PLSCR2: variants seen among roughly 807,000 people sequenced by gnomAD.
PLSCR2 encodes phospholipid scramblase 2.
In PLSCR2, 18 loss-of-function variants were observed where a neutral mutation model predicts 25.3. The observed-to-expected ratio is 0.71, with a 90% confidence interval of 0.49 to 1.06. The LOEUF (loss-of-function observed/expected upper bound fraction) is 1.06. PLSCR2 is among the 50% of genes least tolerant of loss of function. PLSCR2 has a pLI of 0.00. For missense variants in PLSCR2, 243 were observed against 269.5 expected, an observed-to-expected ratio of 0.90 and a Z score of 0.69; for synonymous variants, 88 against 87.3, an observed-to-expected ratio of 1.01 and a Z score of -0.04.
At chr3:146,495,734 A>G (rs1367829154) in intron 1 of PLSCR2, among the ~76,000 whole-genome samples, 1 of 152,198 alleles carries the variant, frequency 6.6e-6, no homozygotes, top group Non-Finnish European at 1.5e-5. Flanking sequence ...GGTATTTGTT[A>G]CAGCAGTTCA....
chr3:146,423,503 T>G (rs983483427), intron 2 of PLSCR2, among the ~76,000 whole-genome samples: 5 of 151,968 alleles, frequency 3.3e-5, no homozygotes, highest in African/African-American at 1.2e-4. Flanking sequence ...TAGTCATTCA[T>G]TTGGTCCACA....
chr3:146,481,743 T>A (rs2043138391), intron 1 of PLSCR2, among the ~76,000 whole-genome samples: 2 of 152,140 alleles, frequency 1.3e-5, no homozygotes, highest in Non-Finnish European at 2.9e-5. Context: ...AAAGTTCATA[T>A]GGAACCAAAA....
intron 1 of PLSCR2, among the ~76,000 whole-genome samples, chr3:146,475,498 A>G (rs1054378382): frequency 1.3e-5 from 2 of 152,126 alleles, no homozygotes; most frequent in Non-Finnish European, 2.9e-5. Context: ...ATTTAGAATA[A>G]TATAATATGA....
upstream of PLSCR2, among the ~76,000 whole-genome samples, chr3:146,462,261 T>C (rs2041623049): frequency 6.6e-6 from 1 of 151,804 alleles, no homozygotes; most frequent in Admixed American, 6.6e-5. Flanking sequence ...GTAGAATTGA[T>C]TATTATTTTC....
chr3:146,485,477 C>T (rs1165642641), intron 1 of PLSCR2, among the ~76,000 whole-genome samples: 1 of 152,118 alleles, frequency 6.6e-6, no homozygotes, highest in Non-Finnish European at 1.5e-5. Context: ...GAACTCTCCA[C>T]CCCAAGGCAA....
intron 2 of PLSCR2, among the ~76,000 whole-genome samples, chr3:146,405,919 G>A (rs1049997512): frequency 6.6e-6 from 1 of 152,026 alleles, no homozygotes; most frequent in African/African-American, 2.4e-5. Flanking sequence ...ACTTTGTCAG[G>A]GTGTTTCTGG....
chr3:146,437,297 G>C (rs957638457), downstream of PLSCR2, among the ~76,000 whole-genome samples: 1 of 152,056 alleles, frequency 6.6e-6, no homozygotes, highest in Non-Finnish European at 1.5e-5. Flanking sequence ...TCATAAAATG[G>C]GTTAGGGAGG....
At chr3:146,473,854 T>C (rs2042199594) in intron 1 of PLSCR2, among the ~76,000 whole-genome samples, 1 of 152,208 alleles carries the variant, frequency 6.6e-6, no homozygotes, top group African/African-American at 2.4e-5. Context: ...GTGACGCTCA[T>C]GATGGTTTTC....
chr3:146,411,612 A>G (rs2038854045), intron 2 of PLSCR2, among the ~76,000 whole-genome samples: 1 of 152,136 alleles, frequency 6.6e-6, no homozygotes, highest in African/African-American at 2.4e-5. Context: ...CAAATGTTGT[A>G]CTTGAGTGAG....
At chr3:146,460,631 C>T (rs1482386611), upstream of PLSCR2, among the ~76,000 whole-genome samples, 1 of 152,074 alleles carries the variant, frequency 6.6e-6, no homozygotes, top group Non-Finnish European at 1.5e-5. Context: ...TTTTAGTTGT[C>T]GCAACTGGAG....
chr3:146,493,261 T>C (rs1421029741), intron 1 of PLSCR2, among the ~76,000 whole-genome samples: 1 of 152,020 alleles, frequency 6.6e-6, no homozygotes, highest in Admixed American at 6.6e-5. Context: ...TTGCAAAAAA[T>C]TGAGGAGGAG....
At chr3:146,487,726 C>G (rs1026118014) in intron 1 of PLSCR2, among the ~76,000 whole-genome samples, 3 of 151,944 alleles carry the variant, frequency 2.0e-5, no homozygotes, top group African/African-American at 7.2e-5. Flanking sequence ...GAATCAATAT[C>G]ATAAAAATGG....
chr3:146,403,247 G>C (rs1431537270), intron 2 of PLSCR2, among the ~76,000 whole-genome samples: 1 of 152,116 alleles, frequency 6.6e-6, no homozygotes, highest in Non-Finnish European at 1.5e-5. Flanking sequence ...CGGCATATCT[G>C]TAGAGCTGTC....
intron 1 of PLSCR2, among the ~76,000 whole-genome samples, chr3:146,487,704 T>C (rs901553145): frequency 6.6e-6 from 1 of 151,952 alleles, no homozygotes; most frequent in Non-Finnish European, 1.5e-5. Flanking sequence ...ATTCCATGCT[T>C]GTGAACAGGA....
At chr3:146,426,974 T>C (rs2039376649) in intron 2 of PLSCR2, among the ~76,000 whole-genome samples, 1 of 152,148 alleles carries the variant, frequency 6.6e-6, no homozygotes, top group South Asian at 2.1e-4. Context: ...AATAAATAAA[T>C]GATATAATAA....
At chr3:146,490,373 G>A (rs2043502116) in intron 1 of PLSCR2, among the ~76,000 whole-genome samples, 1 of 152,014 alleles carries the variant, frequency 6.6e-6, no homozygotes, top group Admixed American at 6.6e-5. Context: ...TGACAACTCT[G>A]CCATGAGAAT....
At chr3:146,427,755 C>T (rs1051533163) in intron 2 of PLSCR2, among the ~76,000 whole-genome samples, 2 of 152,052 alleles carry the variant, frequency 1.3e-5, no homozygotes, top group Non-Finnish European at 2.9e-5. Context: ...TTCTATATAC[C>T]TTGAACTCGA....
At chr3:146,392,822 T>G (rs2038126923) in intron 3 of PLSCR2, among the ~76,000 whole-genome samples, 1 of 149,260 alleles carries the variant, frequency 6.7e-6, no homozygotes, top group African/African-American at 2.5e-5. Context: ...GTTCAATATC[T>G]CCTTCATTAT....
intron 2 of PLSCR2, among the ~76,000 whole-genome samples, chr3:146,403,892 T>C (rs758258327): frequency 6.6e-6 from 1 of 152,188 alleles, no homozygotes; most frequent in East Asian, 1.9e-4. Flanking sequence ...CTTCTACTTT[T>C]AAACTTAACT....
Sources: allele counts gnomAD v4.1 joint callset (sites outside exome capture counted in the v4.1 genomes callset), GRCh38; gene constraint gnomAD v4.1.1; transcripts MANE v1.5; gene names NCBI Gene and HGNC (gene_info 2026-07-23, HGNC 2026-07-21).